The following ACTR8 variants were observed in gnomAD, a reference collection of about 807,000 sequenced individuals.
The protein encoded by ACTR8 is actin-related protein 8.
A neutral mutation model predicts 84.3 loss-of-function variants in ACTR8; 70 were observed. That is an observed-to-expected ratio of 0.83 (90% CI 0.68 to 1.01). The LOEUF is 1.01. Ranked by LOEUF, ACTR8 falls within the 50% of genes least tolerant of loss-of-function variation. ACTR8 has a pLI of 0.00. For missense variants in ACTR8, 672 were observed against 775.4 expected (o/e 0.87, Z 1.58); for synonymous variants, 268 against 275.2 (o/e 0.97, Z 0.26).
chr3:53,866,541 G>A (rs1699785348), downstream of ACTR8, among the ~76,000 whole-genome samples: 1 of 151,818 alleles, frequency 6.6e-6, no homozygotes, highest in Non-Finnish European at 1.5e-5. Flanking sequence ...GAGTGCAGTG[G>A]CGTGACCTCG....
chr3:53,881,036 T>C (rs1276846215), intron 1 of ACTR8, among the ~76,000 whole-genome samples: 1 of 152,250 alleles, frequency 6.6e-6, no homozygotes, highest in Admixed American at 6.5e-5. Context: ...GGGAAGGATC[T>C]GGCAAGGCCC....
At chr3:53,871,056 T>C in intron 11 of ACTR8, 176 bp downstream of exon 11, 7 of 915,552 alleles carry the variant, frequency 7.6e-6, no homozygotes, top group Non-Finnish European at 1.1e-5. Flanking sequence ...CACTAGGCTA[T>C]AAACCCATCC....
chr3:53,860,115 CTT>C, the ACTR8 span: 1 of 1,600,736 alleles, frequency 6.2e-7, no homozygotes, highest in South Asian at 1.1e-5. Context: ...GGTGAATAAG[CTT>C]TGTTTTTTCC....
Position 53,880,111 on chromosome 3 carries a change from T to C in ACTR8, c.124-2A>G. On this transcript the variant is annotated splice_acceptor_variant, in intron 1 of 12. Coordinates refer to ENST00000335754, the MANE Select transcript of ACTR8 (RefSeq NM_022899.5). LOFTEE classifies it high-confidence loss of function. ...AATGATGAAGTTGCTCTGGATTTGCTGCAGATATAAAACATAGATGTGTGA... is the reference window on the plus strand; with the variant it reads ...AATGATGAAGTTGCTCTGGATTTGCCGCAGATATAAAACATAGATGTGTGA... 6.2e-7 allele frequency: 1 copy of C among 1,613,246 alleles called. No individual in the cohort carries two copies. Among genetic ancestry groups the C allele is most frequent in the South Asian group, 1.1e-5 (1 of 91,040 alleles).
chr3:53,880,794 C>T (rs1374509986), intron 1 of ACTR8, among the ~76,000 whole-genome samples: 3 of 152,194 alleles, frequency 2.0e-5, no homozygotes, highest in Non-Finnish European at 2.9e-5. Flanking sequence ...CTGAGATTCC[C>T]TCCTCCCTCT....
intron 6 of ACTR8, 105 bp from the exon 7 acceptor site, chr3:53,876,185 G>A: frequency 7.3e-7 from 1 of 1,360,588 alleles, no homozygotes; most frequent in South Asian, 1.3e-5. Context: ...CTCTGGGCAG[G>A]GCATCTGAGG....
chr3:53,863,331 T>C (rs1478244354), downstream of ACTR8, among the ~76,000 whole-genome samples: 1 of 152,138 alleles, frequency 6.6e-6, no homozygotes, highest in Non-Finnish European at 1.5e-5. Context: ...CTTTGCTAAC[T>C]TCAAAACATG....
chr3:53,869,551 A>C (rs1699852997), intron 12 of ACTR8, among the ~76,000 whole-genome samples: 1 of 152,208 alleles, frequency 6.6e-6, no homozygotes, highest in Non-Finnish European at 1.5e-5. Context: ...AAACACACAA[A>C]ATCTATTTCT....
intron 1 of ACTR8, among the ~76,000 whole-genome samples, chr3:53,880,714 T>C (rs983690023): frequency 6.6e-6 from 1 of 152,218 alleles, no homozygotes; most frequent in Admixed American, 6.5e-5. Context: ...GACATCCTAA[T>C]CTACTGGCTG....
chr3:53,872,567 C>T, intron 9 of ACTR8, 43 bp from the exon 10 acceptor site: 1 of 1,514,958 alleles, frequency 6.6e-7, no homozygotes, highest in Non-Finnish European at 8.8e-7. Flanking sequence ...GATACTGCAT[C>T]CTGAAAAAAA....
chr3:53,860,219 T>C, the ACTR8 span: 12 of 1,612,446 alleles, frequency 7.4e-6, no homozygotes, highest in East Asian at 2.7e-4. Flanking sequence ...CTATCTAATG[T>C]GGAGGCACGG....
chr3:53,863,714 A>G (rs1699657854), downstream of ACTR8, among the ~76,000 whole-genome samples: 1 of 152,206 alleles, frequency 6.6e-6, no homozygotes, highest in African/African-American at 2.4e-5. Flanking sequence ...AGACAGTACA[A>G]GCAACTACCT....
chr3:53,873,209 T>A, intron 8 of ACTR8, 82 bp from the exon 9 acceptor site: 1 of 1,093,632 alleles, frequency 9.1e-7, no homozygotes, highest in South Asian at 1.4e-5. Context: ...CTCACCATCA[T>A]CTAAATATCA....
Position 53,868,724 on chromosome 3 carries a change from A to C in ACTR8, c.1870T>G (p.Trp624Gly), listed in dbSNP as rs1406391028. 1.9e-6 allele frequency: 3 copies of C among 1,613,930 alleles called. No homozygotes were observed. The highest frequency in any genetic ancestry group is 2.5e-6 in the Non-Finnish European group (3 of 1,179,944). Residue 624 changes from tryptophan (W) to glycine (G), a missense_variant, in exon 13 of 13, where the codon TGG becomes GGG. Transcript: ENST00000335754. ...RMLRERAAFV[W>G] ...CAGTGACATTTCCTCCCCATTCACC[A>C]CACAAACGCAGCCCGCTCTCGTAAC...
rs549545957 is a variant in ACTR8 at position 53,878,352 on chromosome 3, C to T, written c.405+5G>A. 16 of 1,587,946 alleles carry T rather than the reference C, an allele frequency of 1.0e-5. No homozygotes were observed. The African/African-American group carries it at 1.6e-4, about 16-fold the overall frequency. On this transcript the variant is annotated splice_donor_5th_base_variant and intron_variant, in intron 3 of 12. Transcript: ENST00000335754. ...AAAAGAATAAATCTGAAGAGTTAAT[C>T]GAACCTGTTCAGGGGACACAGGAAT...
At chr3:53,876,914 T>C (rs1376478205) in intron 5 of ACTR8, among the ~76,000 whole-genome samples, 1 of 151,958 alleles carries the variant, frequency 6.6e-6, no homozygotes, top group Non-Finnish European at 1.5e-5. Flanking sequence ...TTGAAATTTT[T>C]AAAAACTTGT....
At chr3:53,874,115 T>C (rs1699931479) in intron 8 of ACTR8, 96 bp downstream of exon 8, 1 of 1,332,142 alleles carries the variant, frequency 7.5e-7, no homozygotes, top group African/African-American at 1.5e-5. Context: ...TGAGCCACCG[T>C]GCCCAGCCAA....
In ACTR8 at chr3:53,879,954, T is replaced by C; in HGVS notation, c.279A>G (p.Leu93=). 1 of 1,613,002 alleles carries C rather than the reference T, an allele frequency of 6.2e-7. No individual in the cohort carries two copies. The highest frequency in any genetic ancestry group is 1.7e-4 in the Middle Eastern group (1 of 6,054). The change falls in exon 2 of 13, where the codon CTA becomes CTG. Residue 93 remains leucine, a synonymous_variant. Coordinates refer to ENST00000335754, the MANE Select transcript of ACTR8 (RefSeq NM_022899.5). ...TTTGACTTACATTTAGTCCCTCCCT[T>C]AGGAGCCAACTGTCCTTGTATAGGG... ...GQPLYKDSWL[L]REGLNKPESN... is the part of the protein sequence containing the mutation.
chr3:53,860,300 C>G, the ACTR8 span: 162 of 1,224,950 alleles, frequency 1.3e-4, no homozygotes, highest in African/African-American at 2.2e-3. Flanking sequence ...AAAGAAGATT[C>G]CTCTGGAGGC....
Sources: gnomAD v4.1 joint callset for allele counts (sites outside exome capture counted in the v4.1 genomes callset) on GRCh38, gnomAD v4.1.1 for gene constraint, MANE v1.5 for transcripts, NCBI Gene and HGNC (gene_info 2026-07-23, HGNC 2026-07-21) for gene names.